Variants in SUSD1 observed in about 807,000 individuals in gnomAD.
SUSD1 encodes the protein sushi domain-containing protein 1.
SUSD1 carries 65 observed loss-of-function variants against 86.9 expected under a neutral mutation model. That is an observed-to-expected ratio of 0.75 (90% CI 0.61 to 0.92). The LOEUF (loss-of-function observed/expected upper bound fraction) is 0.92. Ranked by LOEUF, SUSD1 falls within the 40% of genes least tolerant of loss-of-function variation. SUSD1 has a pLI of 0.00. For synonymous variants in SUSD1, 346 were observed against 350.0 expected, an observed-to-expected ratio of 0.99 and a Z score of 0.13; for missense variants, 850 against 929.7, an observed-to-expected ratio of 0.91 and a Z score of 1.11.
At chr9:112,152,359 T>A (rs1397794581) in intron 2 of SUSD1, among the ~76,000 whole-genome samples, 1 of 151,838 alleles carries the variant, frequency 6.6e-6, no homozygotes, top group Non-Finnish European at 1.5e-5. Context: ...TACGAAGAAT[T>A]TTTTTTTGTT....
At chr9:112,121,458 C>G (rs1486535860) in intron 6 of SUSD1, among the ~76,000 whole-genome samples, 1 of 152,108 alleles carries the variant, frequency 6.6e-6, no homozygotes, top group Non-Finnish European at 1.5e-5. Context: ...GGTCTGTTTC[C>G]CCTGTTGCAC....
chr9:112,073,163 C>G (rs1354318654), intron 12 of SUSD1, among the ~76,000 whole-genome samples: 1 of 152,192 alleles, frequency 6.6e-6, no homozygotes, highest in Non-Finnish European at 1.5e-5. Context: ...GATAAAGTGA[C>G]AATCTGATAA....
chr9:112,078,803 T>C, intron 11 of SUSD1, 79 bp from the exon 12 acceptor site: 1 of 1,240,542 alleles, frequency 8.1e-7, no homozygotes, highest in Non-Finnish European at 1.1e-6. Context: ...CTTTTCCTTT[T>C]TCTTTCTCTT....
intron 1 of SUSD1, among the ~76,000 whole-genome samples, chr9:112,168,019 T>C (rs140600960): frequency 2.0e-5 from 3 of 152,330 alleles, no homozygotes; most frequent in Admixed American, 2.0e-4. Context: ...TCCCCCATGA[T>C]TGAATCATCT....
intron 8 of SUSD1, 77 bp downstream of exon 8, chr9:112,111,577 G>A (rs565450928): frequency 2.6e-6 from 4 of 1,532,998 alleles, no homozygotes; most frequent in Non-Finnish European, 3.5e-6. Flanking sequence ...CTCCAGCCCA[G>A]CTGATTCTGC....
chr9:112,060,987 C>T (rs1474310649), intron 13 of SUSD1, among the ~76,000 whole-genome samples: 3 of 152,190 alleles, frequency 2.0e-5, no homozygotes, highest in Non-Finnish European at 4.4e-5. Context: ...ACCGTAATCA[C>T]CTGTGTTGCT....
chr9:112,136,072 T>C (rs1320608555), intron 5 of SUSD1, among the ~76,000 whole-genome samples: 1 of 152,184 alleles, frequency 6.6e-6, no homozygotes, highest in Non-Finnish European at 1.5e-5. Context: ...TTTACAAATA[T>C]GGAGACATAT....
At chr9:112,078,809 C>CTTT in intron 11 of SUSD1, 85 bp from the exon 12 acceptor site, 3 of 829,688 alleles carry the variant, frequency 3.6e-6, no homozygotes, top group African/African-American at 2.4e-5. Context: ...CTTTTTCTTT[C>CTTT]TCTTTTTTTT....
At chr9:112,058,335 C>A in intron 14 of SUSD1, 93 bp downstream of exon 14, 1 of 1,442,758 alleles carries the variant, frequency 6.9e-7, no homozygotes, top group Non-Finnish European at 9.3e-7. Context: ...ATGCAGTGAC[C>A]CTCTCATATA....
At chr9:112,062,569 C>T (rs942539860) in intron 13 of SUSD1, among the ~76,000 whole-genome samples, 8 of 152,038 alleles carry the variant, frequency 5.3e-5, no homozygotes, top group Non-Finnish European at 1.2e-4. Context: ...GTGGTGCACA[C>T]CTATAATCCC....
intron 10 of SUSD1, among the ~76,000 whole-genome samples, chr9:112,080,396 T>C (rs954938416): frequency 2.6e-5 from 4 of 151,962 alleles, no homozygotes; most frequent in Admixed American, 6.6e-5. Flanking sequence ...TCTTAAGAAT[T>C]ATTTGAGTGG....
chr9:112,169,461 C>T (rs1028174183), intron 1 of SUSD1: 1 of 152,042 alleles, frequency 6.6e-6, no homozygotes, highest in Non-Finnish European at 1.5e-5. Context: ...TAAAAAATGG[C>T]TCACACGACC....
rs539951229 is a variant in SUSD1 at position 112,157,720 on chromosome 9, C to T, written c.104-107G>A. The T allele has an allele frequency of 8.6e-4, 626 of 729,568 alleles. 4 individuals carry two copies. Among genetic ancestry groups the T allele is most frequent in the Middle Eastern group, 3.8e-3 (16 of 4,254 alleles). The allele number at this position is 729,568 out of a possible 1,614,324, so 45.2% of individuals were successfully genotyped here. A position where few individuals can be genotyped will look rare whatever the true frequency, so the allele number is the denominator to read the frequency against. ...CCAAAATTTGAAGACCAAAATAACA[C>T]AGGACACACCTAGTCTCATCCTTAA... On this transcript the variant is annotated intron_variant, in intron 1 of 16. Coordinates refer to ENST00000374270, the MANE Select transcript of SUSD1 (RefSeq NM_022486.5).
At chr9:112,173,811 A>C (rs1031646279) in intron 1 of SUSD1, 4 of 278,290 alleles carry the variant, frequency 1.4e-5, no homozygotes, top group African/African-American at 6.7e-5. Flanking sequence ...CATCTTCTTT[A>C]GGCCCCTCTT....
rs1827737639 is a variant in SUSD1 at position 112,041,582 on chromosome 9, C to T, written c.*-90G>A. 3 of 773,508 alleles carry T rather than the reference C, an allele frequency of 3.9e-6. No homozygotes were observed. The South Asian group carries it at 4.1e-5, about 11-fold the overall frequency. 47.9% of individuals were successfully genotyped at this position (773,508 alleles called of 1,614,324 possible). Reference sequence around the variant, plus strand: ...TCTCTATGCACAGCTCACACGCACACCCATGGGAGGAGGCGAGGGGGAGCA... The same window carrying T: ...TCTCTATGCACAGCTCACACGCACATCCATGGGAGGAGGCGAGGGGGAGCA... On this transcript the variant is annotated intron_variant, in intron 16 of 16. Transcript: ENST00000374270.
At chr9:112,076,860 G>A (rs906387347) in intron 12 of SUSD1, among the ~76,000 whole-genome samples, 5 of 152,140 alleles carry the variant, frequency 3.3e-5, no homozygotes, top group Admixed American at 1.3e-4. Flanking sequence ...CAACGCTATC[G>A]AAGAAATCAG....
intron 14 of SUSD1, among the ~76,000 whole-genome samples, chr9:112,057,502 A>G (rs988334856): frequency 1.3e-5 from 2 of 152,204 alleles, no homozygotes; most frequent in Admixed American, 1.3e-4. Flanking sequence ...CTTTTTGGTA[A>G]GTTCAGGGCA....
chr9:112,174,500 C>G (rs1834180923), intron 1 of SUSD1, among the ~76,000 whole-genome samples: 1 of 152,184 alleles, frequency 6.6e-6, no homozygotes, highest in African/African-American at 2.4e-5. Flanking sequence ...AGAACATTTG[C>G]TGGTCTAAAT....
In SUSD1 at chr9:112,139,588, G is replaced by A. The variant is rs375568721; in HGVS notation, c.706+2732C>T. ...GCCTCCCAAGTAGCTGGGACTATAGGCATGCACCACCACTCCCAGGCTGGT... is the reference window on the plus strand; with the variant it reads ...GCCTCCCAAGTAGCTGGGACTATAGACATGCACCACCACTCCCAGGCTGGT... On this transcript the variant is annotated intron_variant, in intron 5 of 16. Transcript: ENST00000374270. 8.5e-5 allele frequency among the ~76,000 whole-genome samples: 13 copies of A among 152,098 alleles called. No homozygotes were observed. The East Asian group carries it at 2.3e-3, about 27-fold the overall frequency.
Sources: gnomAD v4.1 joint callset for allele counts (sites outside exome capture counted in the v4.1 genomes callset) on GRCh38, gnomAD v4.1.1 for gene constraint, MANE v1.5 for transcripts, NCBI Gene and HGNC (gene_info 2026-07-23, HGNC 2026-07-21) for gene names.